The following C3orf33 variants were observed in gnomAD, a reference collection of about 807,000 sequenced individuals.
The protein encoded by C3orf33 is mitochondrial inner membrane subdomain organizer 1.
In C3orf33, 23 loss-of-function variants were observed where a neutral mutation model predicts 28.7. The observed-to-expected ratio is 0.80, with a 90% CI of 0.58 to 1.13. The LOEUF is 1.13. C3orf33 is among the 50% of genes most tolerant of loss of function. C3orf33 has a pLI of 0.00. For synonymous variants in C3orf33, 119 were observed against 120.5 expected (o/e 0.99, Z 0.08); for missense variants, 327 against 353.4 (o/e 0.93, Z 0.60).
chr3:155,788,086 G>A (rs2109270178), intron 2 of C3orf33, among the ~76,000 whole-genome samples: 1 of 151,984 alleles, frequency 6.6e-6, no homozygotes, highest in African/African-American at 2.4e-5. Flanking sequence ...AGCTACTGGG[G>A]AGGCTGAGCC....
intron 1 of C3orf33, 120 bp downstream of exon 1, chr3:155,806,019 C>T (rs1250151155): frequency 3.1e-6 from 2 of 647,256 alleles, no homozygotes; most frequent in Non-Finnish European, 4.8e-6. Flanking sequence ...CTCATTCCCC[C>T]GCAGTTTTCT....
At chr3:155,793,440 C>T (rs938912297) in intron 2 of C3orf33, among the ~76,000 whole-genome samples, 1 of 150,780 alleles carries the variant, frequency 6.6e-6, no homozygotes, top group African/African-American at 2.4e-5. Flanking sequence ...AGGTACAAAA[C>T]TCACTGGTAA....
chr3:155,764,365 A>G (rs114167273), intron 4 of C3orf33, among the ~76,000 whole-genome samples: 1,781 of 152,306 alleles, frequency 0.012, 47 homozygotes, highest in African/African-American at 0.041. Flanking sequence ...CTGTTAAATT[A>G]GGTTCAGAAT....
chr3:155,805,816 G>A, intron 1 of C3orf33: 1 of 495,730 alleles, frequency 2.0e-6, no homozygotes, highest in Admixed American at 2.7e-5. Flanking sequence ...TCCTCTCTGG[G>A]CCCTCCCCAA....
At chr3:155,802,335 G>A (rs902712575) in intron 2 of C3orf33, among the ~76,000 whole-genome samples, 197 bp downstream of exon 2, 7 of 152,038 alleles carry the variant, frequency 4.6e-5, no homozygotes, top group Non-Finnish European at 5.9e-5. Flanking sequence ...TATAAACCAC[G>A]CAATTACTTT....
chr3:155,790,727 A>C (rs558564713), intron 2 of C3orf33, among the ~76,000 whole-genome samples: 2 of 152,292 alleles, frequency 1.3e-5, no homozygotes, highest in African/African-American at 4.8e-5. Context: ...GCAGAAAGCA[A>C]CATCAGATAA....
At chr3:155,803,753 A>T (rs1347148371) in intron 1 of C3orf33, among the ~76,000 whole-genome samples, 3 of 148,512 alleles carry the variant, frequency 2.0e-5, no homozygotes, top group Non-Finnish European at 4.5e-5. Flanking sequence ...GTGGTAGCAC[A>T]CATCTGTAAT....
intron 2 of C3orf33, among the ~76,000 whole-genome samples, 153 bp downstream of exon 2, chr3:155,802,379 C>G (rs1022364725): frequency 6.6e-6 from 1 of 152,078 alleles, no homozygotes; most frequent in Non-Finnish European, 1.5e-5. Context: ...ATATTTAAAC[C>G]AAGACCTTAA....
intron 1 of C3orf33, among the ~76,000 whole-genome samples, chr3:155,804,747 C>T (rs1201536792): frequency 6.6e-6 from 1 of 152,132 alleles, no homozygotes; most frequent in Non-Finnish European, 1.5e-5. Context: ...GCTTTTCTCA[C>T]TTGCTCTGAG....
At chr3:155,786,807 G>C (rs1424453953) in intron 2 of C3orf33, among the ~76,000 whole-genome samples, 3 of 152,098 alleles carry the variant, frequency 2.0e-5, no homozygotes, top group Admixed American at 6.6e-5. Flanking sequence ...CTCCAGCCTG[G>C]GCAACAGTGC....
At chr3:155,765,617 G>A (rs1364417063) in intron 4 of C3orf33, among the ~76,000 whole-genome samples, 2 of 151,952 alleles carry the variant, frequency 1.3e-5, no homozygotes, top group East Asian at 1.9e-4. Context: ...GCACGATCTC[G>A]GCTTACTGTA....
rs563948563 is a variant in C3orf33 at position 155,765,634 on chromosome 3, G to A, written c.484-1716C>T. Among the ~76,000 whole-genome samples, 130 of 152,040 alleles carry A rather than the reference G, an allele frequency of 8.6e-4. 1 individual carries two copies. The highest frequency in any genetic ancestry group is 1.5e-3 in the Non-Finnish European group (101 of 68,012). ...ACGATCTCGGCTTACTGTAACCTCC[G>A]CCTCCAGGGTTCAAGTGATTCTCTT... On this transcript the variant is annotated intron_variant, in intron 4 of 4. Transcript: ENST00000340171.
At chr3:155,800,739 A>T (rs1009362198) in intron 2 of C3orf33, among the ~76,000 whole-genome samples, 3 of 151,972 alleles carry the variant, frequency 2.0e-5, no homozygotes, top group African/African-American at 4.8e-5. Context: ...CAACAAAAAA[A>T]CAAACAACCC....
intron 2 of C3orf33, among the ~76,000 whole-genome samples, chr3:155,786,291 A>T (rs562066041): frequency 6.6e-6 from 1 of 152,260 alleles, no homozygotes; most frequent in Non-Finnish European, 1.5e-5. Flanking sequence ...GACAGGAAGG[A>T]GAAAAACAAT....
intron 2 of C3orf33, among the ~76,000 whole-genome samples, chr3:155,793,809 C>CAAAAAAAAAAAAACAAAAAA (rs1751387165): frequency 2.7e-5 from 1 of 37,484 alleles, no homozygotes; most frequent in African/African-American, 7.2e-5. Context: ...GACTCTGACT[C>CAAAAAAAAAAAAACAAAAAA]AAAAAAAAAA....
intron 2 of C3orf33, among the ~76,000 whole-genome samples, chr3:155,799,676 A>G (rs1174956941): frequency 1.3e-5 from 2 of 152,164 alleles, no homozygotes; most frequent in East Asian, 1.9e-4. Context: ...TGACAGAGTG[A>G]GACCTTGTCT....
chr3:155,777,246 G>A (rs1411591126), intron 2 of C3orf33, among the ~76,000 whole-genome samples: 2 of 151,482 alleles, frequency 1.3e-5, no homozygotes, highest in Non-Finnish European at 1.5e-5. Flanking sequence ...CCTGGGAGGC[G>A]GAGGTTGCAG....
intron 2 of C3orf33, among the ~76,000 whole-genome samples, chr3:155,777,652 A>C (rs1225641880): frequency 6.6e-6 from 1 of 152,048 alleles, no homozygotes; most frequent in East Asian, 1.9e-4. Context: ...ACCCAGGCTG[A>C]TCTCAAATTC....
chr3:155,797,273 C>A (rs1751500127), intron 2 of C3orf33, among the ~76,000 whole-genome samples: 1 of 152,126 alleles, frequency 6.6e-6, no homozygotes, highest in Non-Finnish European at 1.5e-5. Flanking sequence ...CATGATAAAA[C>A]CCTCACAAAA....
Sources: gnomAD v4.1 joint callset for allele counts (sites outside exome capture counted in the v4.1 genomes callset) on GRCh38, gnomAD v4.1.1 for gene constraint, MANE v1.5 for transcripts, NCBI Gene and HGNC (gene_info 2026-07-23, HGNC 2026-07-21) for gene names.